The following TMEM178A variants were observed in gnomAD, a reference collection of about 807,000 sequenced individuals.
TMEM178A encodes transmembrane protein 178.
In TMEM178A, 12 loss-of-function variants were observed where a neutral mutation model predicts 29.1. The ratio of observed to expected loss-of-function variants is 0.41; its 90% CI spans 0.26 to 0.67. TMEM178A has a LOEUF of 0.67. Among genes scored for constraint, TMEM178A ranks in the 30% least tolerant of loss-of-function variants. The pLI, the probability that TMEM178A is intolerant of heterozygous loss-of-function variation, is 0.29. For synonymous variants in TMEM178A, 210 were observed against 187.2 expected (o/e 1.12, Z -0.99); for missense variants, 366 against 419.1 (o/e 0.87, Z 1.11).
chr2:39,720,186 C>T (rs1015722446), downstream of TMEM178A, among the ~76,000 whole-genome samples: 4 of 152,060 alleles, frequency 2.6e-5, no homozygotes, highest in Non-Finnish European at 5.9e-5. Flanking sequence ...TGAATCTAGC[C>T]CTGGCAAGTT....
At chr2:39,690,337 G>A (rs890988921) in intron 1 of TMEM178A, among the ~76,000 whole-genome samples, 3 of 152,222 alleles carry the variant, frequency 2.0e-5, no homozygotes, top group African/African-American at 7.2e-5. Flanking sequence ...CTGAGATGGT[G>A]TGTGCCTGCT....
intron 1 of TMEM178A, among the ~76,000 whole-genome samples, chr2:39,681,528 C>T (rs542119565): frequency 5.3e-5 from 8 of 152,192 alleles, no homozygotes; most frequent in South Asian, 2.1e-4. Flanking sequence ...GAGACACCTC[C>T]GTGGATGAGG....
intron 1 of TMEM178A, among the ~76,000 whole-genome samples, chr2:39,703,674 A>G (rs1208923086): frequency 6.6e-6 from 1 of 152,182 alleles, no homozygotes; most frequent in Non-Finnish European, 1.5e-5. Context: ...TGGTTTCCAA[A>G]TAACACACTT....
At chr2:39,718,818 T>C (rs948048612), downstream of TMEM178A, among the ~76,000 whole-genome samples, 2 of 150,692 alleles carry the variant, frequency 1.3e-5, no homozygotes, top group African/African-American at 4.9e-5. Flanking sequence ...ACTCCAACCC[T>C]TGTTCCCGAT....
chr2:39,707,377 T>C (rs1213221160), intron 3 of TMEM178A, among the ~76,000 whole-genome samples, 191 bp downstream of exon 3: 1 of 152,284 alleles, frequency 6.6e-6, no homozygotes, highest in Non-Finnish European at 1.5e-5. Flanking sequence ...ATGCATCCTC[T>C]ATATCCCCAT....
At position 39,714,653 on chromosome 2, in the gene TMEM178A, G is replaced by C. The variant is rs576285312; in HGVS notation, c.653-2357G>C. The stretch of plus-strand genomic sequence containing the variant: ...AAAGCACAAACATCCATGACACTGA[G>C]AGCAGAGAGAAATCATTCTGGTTAA... On this transcript the variant is annotated intron_variant, in intron 3 of 3. Transcript: ENST00000281961. Among the ~76,000 whole-genome samples, 5 of 152,332 alleles carry C rather than the reference G, an allele frequency of 3.3e-5. No homozygotes were observed. The South Asian group carries it at 1.0e-3, about 32-fold the overall frequency.
At chr2:39,693,112 T>A (rs1481720804) in intron 1 of TMEM178A, among the ~76,000 whole-genome samples, 2 of 152,052 alleles carry the variant, frequency 1.3e-5, no homozygotes, top group African/African-American at 2.4e-5. Flanking sequence ...AGACTCTGTT[T>A]CAAAAAACAA....
intron 1 of TMEM178A, among the ~76,000 whole-genome samples, chr2:39,680,836 T>G (rs1381725326): frequency 6.6e-6 from 1 of 152,224 alleles, no homozygotes; most frequent in East Asian, 1.9e-4. Context: ...ATAATTCATG[T>G]GAAGACAAAG....
rs1007779681 is a variant in TMEM178A at position 39,701,670 on chromosome 2, A to G, written c.401-2411A>G. On this transcript the variant is annotated intron_variant, in intron 1 of 3. Coordinates refer to ENST00000281961, the MANE Select transcript of TMEM178A (RefSeq NM_152390.3). The stretch of plus-strand genomic sequence containing the variant: ...TTCTCTCCTCCTTTCTGCAGCTCTC[A>G]TTATGCTTTTGATGGTGCCTCACAG... 1.3e-5 allele frequency among the ~76,000 whole-genome samples: 2 copies of G among 151,908 alleles called. 1 individual carries two copies. The highest frequency in any genetic ancestry group is 3.9e-4 in the East Asian group (2 of 5,180).
intron 1 of TMEM178A, among the ~76,000 whole-genome samples, chr2:39,666,937 G>T (rs1670191438): frequency 6.6e-6 from 1 of 152,240 alleles, no homozygotes; most frequent in South Asian, 2.1e-4. Flanking sequence ...GCCTGGCAGG[G>T]CTGATGGGCA....
At chr2:39,702,138 A>C (rs890897236) in intron 1 of TMEM178A, among the ~76,000 whole-genome samples, 1 of 152,060 alleles carries the variant, frequency 6.6e-6, no homozygotes, top group Non-Finnish European at 1.5e-5. Flanking sequence ...TTGAAATAAC[A>C]TACTATGGCA....
chr2:39,685,745 A>G (rs1281610156), intron 1 of TMEM178A, among the ~76,000 whole-genome samples: 1 of 152,212 alleles, frequency 6.6e-6, no homozygotes, highest in African/African-American at 2.4e-5. Flanking sequence ...CACATTAACT[A>G]AGACTCAGAG....
At chr2:39,698,710 T>G (rs905691058) in intron 1 of TMEM178A, among the ~76,000 whole-genome samples, 1 of 151,708 alleles carries the variant, frequency 6.6e-6, no homozygotes, top group African/African-American at 2.4e-5. Context: ...TTTTTTTTTT[T>G]GTTTTGAAGA....
chr2:39,682,474 C>G (rs530146784), intron 1 of TMEM178A, among the ~76,000 whole-genome samples: 2 of 151,994 alleles, frequency 1.3e-5, no homozygotes, highest in South Asian at 4.1e-4. Context: ...TTGTCTGCCT[C>G]TGGCTGTCCC....
At chr2:39,670,790 T>C (rs966535057) in intron 1 of TMEM178A, among the ~76,000 whole-genome samples, 2 of 152,122 alleles carry the variant, frequency 1.3e-5, no homozygotes, top group Non-Finnish European at 2.9e-5. Context: ...GAAATTGGAG[T>C]CATAGAAATG....
intron 1 of TMEM178A, among the ~76,000 whole-genome samples, chr2:39,685,033 A>G (rs1275404767): frequency 6.6e-6 from 1 of 152,150 alleles, no homozygotes; most frequent in African/African-American, 2.4e-5. Flanking sequence ...TCTGTTCTTC[A>G]TGCAAGGGCC....
At chr2:39,730,968 C>T in the TMEM178A span, among the ~76,000 whole-genome samples, 1 of 152,182 alleles carries the variant, frequency 6.6e-6, no homozygotes, top group Non-Finnish European at 1.5e-5. Flanking sequence ...GAGTTATCTT[C>T]CTGCTGGCAC....
chr2:39,733,439 A>G, the TMEM178A span, among the ~76,000 whole-genome samples: 1 of 152,288 alleles, frequency 6.6e-6, no homozygotes, highest in South Asian at 2.1e-4. Context: ...AAGGCTCTTT[A>G]TATGACGTCC....
At chr2:39,665,685 G>A (rs1230020124), upstream of TMEM178A, 5 of 304,118 alleles carry the variant, frequency 1.6e-5, no homozygotes, top group African/African-American at 9.7e-5. Flanking sequence ...GGGGCGCCGG[G>A]GCGAGGAGAG....
Sources: allele counts gnomAD v4.1 joint callset (sites outside exome capture counted in the v4.1 genomes callset), GRCh38; gene constraint gnomAD v4.1.1; transcripts MANE v1.5; gene names NCBI Gene and HGNC (gene_info 2026-07-23, HGNC 2026-07-21).